The following PKHD1 variants were observed in gnomAD, a reference collection of about 807,000 sequenced individuals.
PKHD1 encodes fibrocystin.
PKHD1 carries 291 observed loss-of-function variants against 412.0 expected under a neutral mutation model. The observed-to-expected ratio is 0.71, with a 90% CI of 0.64 to 0.78. The LOEUF (loss-of-function observed/expected upper bound fraction) is 0.78, where lower values mean the gene tolerates loss of function less well. Among genes scored for constraint, PKHD1 ranks in the 30% least tolerant of loss-of-function variants. The probability of loss-of-function intolerance (pLI) is 0.00; values close to 1 mark genes in which losing one functional copy is unlikely to be tolerated. For missense variants in PKHD1, 4,825 were observed against 4,950.7 expected (o/e 0.97, Z 0.76); for synonymous variants, 1,777 against 1,821.5 (o/e 0.98, Z 0.62).
chr6:51,973,822 C>T (rs1583642516), intron 35 of PKHD1, among the ~76,000 whole-genome samples: 1 of 151,984 alleles, frequency 6.6e-6, no homozygotes, highest in Non-Finnish European at 1.5e-5. Flanking sequence ...CTTTTTTCCC[C>T]GTTTTCCCAA....
At chr6:51,977,042 A>T (rs1034915616) in intron 35 of PKHD1, among the ~76,000 whole-genome samples, 1 of 151,890 alleles carries the variant, frequency 6.6e-6, no homozygotes, top group Non-Finnish European at 1.5e-5. Context: ...AAACCCTCAG[A>T]TTAAAAAATT....
At chr6:51,920,088 T>A (rs894879675) in intron 37 of PKHD1, among the ~76,000 whole-genome samples, 1 of 152,252 alleles carries the variant, frequency 6.6e-6, no homozygotes, top group Non-Finnish European at 1.5e-5. Context: ...ACAATTTGAC[T>A]TCCTCTTTTC....
chr6:51,909,662 G>T (rs915363886), intron 39 of PKHD1, among the ~76,000 whole-genome samples, 188 bp from the exon 40 acceptor site: 1 of 151,932 alleles, frequency 6.6e-6, no homozygotes, highest in Non-Finnish European at 1.5e-5. Context: ...TGATAAACAG[G>T]ACATGATGTT....
At chr6:51,627,231 A>G in intron 65 of PKHD1, 115 bp from the exon 66 acceptor site, 4 of 930,492 alleles carry the variant, frequency 4.3e-6, no homozygotes, top group East Asian at 2.4e-5. Flanking sequence ...CACATGCAAC[A>G]GAAAGCATAT....
intron 25 of PKHD1, among the ~76,000 whole-genome samples, 192 bp from the exon 26 acceptor site, chr6:52,043,922 A>G (rs1452813031): frequency 6.6e-6 from 1 of 152,194 alleles, no homozygotes; most frequent in Non-Finnish European, 1.5e-5. Flanking sequence ...CTTTCTTAAA[A>G]TGATGGTGGA....
chr6:52,070,583 C>G (rs184333969), intron 9 of PKHD1, 138 bp from the exon 10 acceptor site: 8 of 668,312 alleles, frequency 1.2e-5, no homozygotes, highest in Non-Finnish European at 2.1e-5. Flanking sequence ...GGTTCCCCCC[C>G]GCAAAAACAA....
At chr6:52,002,694 G>C (rs1056251634) in intron 35 of PKHD1, among the ~76,000 whole-genome samples, 4 of 152,158 alleles carry the variant, frequency 2.6e-5, no homozygotes, top group Non-Finnish European at 5.9e-5. Flanking sequence ...GAGAGAAGGA[G>C]AAGACAAGGA....
rs1405067373 is a variant in PKHD1 at position 51,911,905 on chromosome 6, TA to T, written c.6383del (p.Leu2128Ter). 1.2e-6 allele frequency: 2 copies of T among 1,611,984 alleles called. No homozygotes were observed. The highest frequency in any genetic ancestry group is 1.7e-5 in the Admixed American group (1 of 59,878). On this transcript the variant is annotated frameshift_variant, in exon 39 of 67. Coordinates refer to ENST00000371117, the MANE Select transcript of PKHD1 (RefSeq NM_138694.4). LOFTEE classifies it high-confidence loss of function. ...TGCTGAGCAGAGCCACAGTGGCCTT[TA>T]AAATATGGTGCTCTCCAGCCACCCA... ...ENWVAGEHHI[L>X]KATVALLSRS...
chr6:51,628,293 T>C (rs1357635385), intron 65 of PKHD1, among the ~76,000 whole-genome samples: 1 of 152,128 alleles, frequency 6.6e-6, no homozygotes, highest in African/African-American at 2.4e-5. Context: ...GTGAACCCAG[T>C]GTTTAGCTCC....
chr6:51,746,317 A>G (rs1785189589), intron 59 of PKHD1, among the ~76,000 whole-genome samples: 1 of 152,196 alleles, frequency 6.6e-6, no homozygotes, highest in African/African-American at 2.4e-5. Flanking sequence ...CTTTACTCCA[A>G]TGAAGAATGA....
intron 52 of PKHD1, among the ~76,000 whole-genome samples, chr6:51,817,757 AC>A (rs1765706135): frequency 6.6e-6 from 1 of 152,218 alleles, no homozygotes; most frequent in South Asian, 2.1e-4. Flanking sequence ...GCTTCCCTGG[AC>A]ACAGGAAGCA....
At chr6:51,990,949 C>T (rs547040706) in intron 35 of PKHD1, among the ~76,000 whole-genome samples, 3 of 152,176 alleles carry the variant, frequency 2.0e-5, no homozygotes, top group Non-Finnish European at 4.4e-5. Flanking sequence ...ACTATCTACT[C>T]AGAGTGCTAT....
rs1180180841 is a variant in PKHD1 at position 51,775,924 on chromosome 6, G to C, written c.8441-3C>G. The C allele has an allele frequency of 7.6e-7, 1 of 1,321,484 alleles. No individual in the cohort carries two copies. The highest frequency in any genetic ancestry group is 1.1e-6 in the Non-Finnish European group (1 of 915,146). The allele number at this position is 1,321,484 out of a possible 1,614,324, so 81.9% of individuals were successfully genotyped here. A position where few individuals can be genotyped will look rare whatever the true frequency, so the allele number is the denominator to read the frequency against. On this transcript the variant is annotated splice_region_variant and splice_polypyrimidine_tract_variant and intron_variant, in intron 53 of 66. Coordinates refer to ENST00000371117, the MANE Select transcript of PKHD1 (RefSeq NM_138694.4). ...TTCTAAGGGATTTTCTAAAGTACCT[G>C]TTTACAAAGAAAAGTATATCATTCA...
chr6:51,955,260 CA>C (rs1396137471), intron 36 of PKHD1, among the ~76,000 whole-genome samples: 21 of 151,726 alleles, frequency 1.4e-4, no homozygotes, highest in Admixed American at 1.4e-3. Context: ...AGTAAGTAGA[CA>C]AAAGTTCTGG....
At chr6:52,046,565 T>A (rs1307565694) in intron 23 of PKHD1, among the ~76,000 whole-genome samples, 1 of 152,228 alleles carries the variant, frequency 6.6e-6, no homozygotes, top group Admixed American at 6.5e-5. Context: ...GCTGGCCCTG[T>A]GAACAGAGAA....
At chr6:51,857,430 T>C (rs889447523) in intron 48 of PKHD1, among the ~76,000 whole-genome samples, 4 of 152,196 alleles carry the variant, frequency 2.6e-5, no homozygotes, top group African/African-American at 9.7e-5. Flanking sequence ...AAAAGGAACT[T>C]TTTTAAGTGT....
chr6:51,728,030 C>T (rs1782788999), intron 60 of PKHD1, among the ~76,000 whole-genome samples: 1 of 152,150 alleles, frequency 6.6e-6, no homozygotes, highest in Non-Finnish European at 1.5e-5. Context: ...TTTCCTTCTC[C>T]ATACAATACT....
At chr6:51,933,405 G>A (rs1786962967) in intron 37 of PKHD1, among the ~76,000 whole-genome samples, 1 of 152,140 alleles carries the variant, frequency 6.6e-6, no homozygotes, top group Non-Finnish European at 1.5e-5. Flanking sequence ...GAGGGTTTGG[G>A]GAGACAGGAA....
At chr6:51,927,401 G>C (rs1785823736) in intron 37 of PKHD1, among the ~76,000 whole-genome samples, 1 of 152,136 alleles carries the variant, frequency 6.6e-6, no homozygotes, top group Admixed American at 6.6e-5. Context: ...ATTAAAGAAA[G>C]CTAATCTAAC....
Sources: allele counts gnomAD v4.1 joint callset (sites outside exome capture counted in the v4.1 genomes callset), GRCh38; gene constraint gnomAD v4.1.1; transcripts MANE v1.5; gene names NCBI Gene and HGNC (gene_info 2026-07-23, HGNC 2026-07-21).